Variants in TMEM70 observed in about 807,000 individuals in gnomAD.
The protein encoded by TMEM70 is transmembrane protein 70.
Under a neutral mutation model 20.5 loss-of-function variants are expected in TMEM70, and 15 were observed. That is an observed-to-expected ratio of 0.73 (90% confidence interval 0.49 to 1.13). The LOEUF (loss-of-function observed/expected upper bound fraction) is 1.13, where lower values mean the gene tolerates loss of function less well. TMEM70 is among the 50% of genes most tolerant of loss of function. TMEM70 has a pLI of 0.00. For synonymous variants in TMEM70, 141 were observed against 134.2 expected (o/e 1.05, Z -0.35); for missense variants, 344 against 331.7 (o/e 1.04, Z -0.29).
chr8:73,978,678 G>T lies in TMEM70; in HGVS notation c.211-78G>T, dbSNP rs931197701. On this transcript the variant is annotated intron_variant, in intron 1 of 2. Coordinates refer to ENST00000312184, the MANE Select transcript of TMEM70 (RefSeq NM_017866.6). Reference sequence around the variant, plus strand: ...ACTGCCCTCCAGTCTGGGAGACAGAGCAAGACTCTGTCTCAAAAAAAAAAA... The same window carrying T: ...ACTGCCCTCCAGTCTGGGAGACAGATCAAGACTCTGTCTCAAAAAAAAAAA... 4.1e-5 allele frequency: 61 copies of T among 1,471,430 alleles called. No homozygotes were observed. The African/African-American group carries it at 7.7e-4, about 19-fold the overall frequency. 91.1% of individuals were successfully genotyped at this position (1,471,430 alleles called of 1,614,324 possible). A position where few individuals can be genotyped will look rare whatever the true frequency, so the allele number is the denominator to read the frequency against.
Position 73,976,433 on chromosome 8 carries a change from G to T in TMEM70, c.152G>T (p.Gly51Val), listed in dbSNP as rs1251393091. 2 of 1,572,136 alleles carry T rather than the reference G, an allele frequency of 1.3e-6. No homozygotes were observed. Among genetic ancestry groups the T allele is most frequent in the Non-Finnish European group, 1.7e-6 (2 of 1,166,612 alleles). ...AGCGGGCCTTCGGGGCCGGTAGCCG[G>T]CTGGAGTACGGGGCCTTCGGGAGCC... ...SSSGPSGPVA[G>V]WSTGPSGAAR... The change falls in exon 1 of 3, where the codon GGC (glycine) becomes GTC (valine). Residue 51 changes from glycine (G) to valine (V), a missense_variant. By Grantham distance (109) the Gly-to-Val change is moderately radical. Coordinates refer to ENST00000312184, the MANE Select transcript of TMEM70 (RefSeq NM_017866.6).
rs1368297393 is a variant in TMEM70 at position 73,982,442 on chromosome 8, G to A, written c.*821G>A. The A allele has an allele frequency of 2.5e-6, 2 of 788,236 alleles. No homozygotes were observed. The highest frequency in any genetic ancestry group is 4.3e-6 in the Non-Finnish European group (2 of 463,558). The allele number at this position is 788,236 out of a possible 1,614,324, so 48.8% of individuals were successfully genotyped here. On this transcript the variant is annotated 3_prime_UTR_variant, in exon 3 of 3. Transcript: ENST00000312184. ...TACTTCCATCAGTATTGAGCCAGGA[G>A]TTGAGATGGAAGTCACCATTGCAAA...
In TMEM70 at chr8:73,976,548, G is replaced by A; in HGVS notation, c.210+57G>A. The A allele has an allele frequency of 4.2e-6, 6 of 1,427,470 alleles. No homozygotes were observed. The South Asian group carries it at 7.2e-5, about 17-fold the overall frequency. 88.4% of individuals were successfully genotyped at this position (1,427,470 alleles called of 1,614,324 possible). ...AGGCGGGGAGGGCGGGCGTCGTGTC[G>A]GGCCTGGGGAGCCCCAGCGGCTCTT... On this transcript the variant is annotated intron_variant, in intron 1 of 2. Coordinates refer to ENST00000312184, the MANE Select transcript of TMEM70 (RefSeq NM_017866.6).
At position 73,981,602 on chromosome 8, in the gene TMEM70, G is replaced by T; in HGVS notation, c.764G>T (p.Arg255Leu). ...LYMEETSEEK[R>L]HKDDK Reference sequence around the variant, plus strand: ...ATGGAAGAAACCAGTGAAGAGAAACGGCATAAAGATGACAAATGAGCCTAT... The same window carrying T: ...ATGGAAGAAACCAGTGAAGAGAAACTGCATAAAGATGACAAATGAGCCTAT... Residue 255 changes from arginine (R) to leucine (L), a missense_variant, in exon 3 of 3, where the codon CGG becomes CTG. Physicochemically the swap from Arg to Leu is moderately radical, Grantham distance 102. Transcript: ENST00000312184. The T allele has an allele frequency of 6.2e-7, 1 of 1,608,210 alleles. No homozygotes were observed. The highest frequency in any genetic ancestry group is 1.1e-5 in the South Asian group (1 of 90,958).
At position 73,981,604 on chromosome 8, in the gene TMEM70, C is replaced by A; in HGVS notation, c.766C>A (p.His256Asn). 6.2e-7 allele frequency: 1 copy of A among 1,607,292 alleles called. No homozygotes were observed. The highest frequency in any genetic ancestry group is 8.5e-7 in the Non-Finnish European group (1 of 1,176,272). Reference protein sequence around the residue: ...YMEETSEEKRHKDDK With the variant: ...YMEETSEEKRNKDDK The stretch of plus-strand genomic sequence containing the variant: ...GGAAGAAACCAGTGAAGAGAAACGG[C>A]ATAAAGATGACAAATGAGCCTATTT... The change falls in exon 3 of 3, where the codon CAT (histidine) becomes AAT (asparagine). Residue 256 changes from histidine to asparagine, a missense_variant. Coordinates refer to ENST00000312184, the MANE Select transcript of TMEM70 (RefSeq NM_017866.6).
chr8:73,980,373 TG>T (rs1436373295), intron 2 of TMEM70, among the ~76,000 whole-genome samples: 18 of 151,034 alleles, frequency 1.2e-4, no homozygotes, highest in Admixed American at 1.3e-4. Context: ...CATATGTTTC[TG>T]TTTTTTTTTT....
At chr8:73,978,932 TCTTA>T (rs1815721563) in intron 2 of TMEM70, 71 bp downstream of exon 2, 1 of 1,559,330 alleles carries the variant, frequency 6.4e-7, no homozygotes, top group East Asian at 2.3e-5. Flanking sequence ...CCTTACCATA[TCTTA>T]CTTGTTGTTA....
intron 1 of TMEM70, 108 bp from the exon 2 acceptor site, chr8:73,978,648 G>A (rs573681696): frequency 1.7e-5 from 19 of 1,129,780 alleles, no homozygotes; most frequent in African/African-American, 6.3e-5. Context: ...AGCTGAGATC[G>A]CACCACTGCC....
In TMEM70 at chr8:73,982,176, CA is replaced by C. The variant is rs766924044; in HGVS notation, c.*556del. The C allele has an allele frequency of 5.5e-6, 3 of 543,818 alleles. No individual in the cohort carries two copies. The African/African-American group carries it at 5.7e-5, about 10-fold the overall frequency. The allele number at this position is 543,818 out of a possible 1,614,324, so 33.7% of individuals were successfully genotyped here. ...ACCCGTGGAGTCAGAGGTGGCAATT[CA>C]CCGAATTCATATCACTCTAACGAGT... On this transcript the variant is annotated 3_prime_UTR_variant, in exon 3 of 3. Transcript: ENST00000312184.
rs776400512 is a variant in TMEM70, at chr8:73,976,330, T to C, written c.49T>C (p.Cys17Arg). 6.2e-7 allele frequency: 1 copy of C among 1,600,806 alleles called. No individual in the cohort carries two copies. The highest frequency in any genetic ancestry group is 1.7e-5 in the Admixed American group (1 of 59,984). ...GSPWAVELPL[C>R]GRRTALCAAA... ...CCCGTGGGCGGTCGAACTGCCTCTC[T>C]GCGGAAGGAGGACTGCATTGTGTGC... The change falls in exon 1 of 3, where the codon TGC (cysteine) becomes CGC (arginine). Residue 17 changes from cysteine to arginine, a missense_variant. Cys to Arg is a radical substitution (Grantham distance 180). Transcript: ENST00000312184.
intron 1 of TMEM70, among the ~76,000 whole-genome samples, chr8:73,978,230 C>T (rs1586634953): frequency 6.6e-6 from 1 of 151,744 alleles, no homozygotes; most frequent in Non-Finnish European, 1.5e-5. Context: ...GGATTACAGG[C>T]GCCAGACACC....
At position 73,981,838 on chromosome 8, in the gene TMEM70, A is replaced by C. The variant is rs140080854; in HGVS notation, c.*217A>C. On this transcript the variant is annotated 3_prime_UTR_variant, in exon 3 of 3. Transcript: ENST00000312184. Reference sequence around the variant, plus strand: ...ATTCGTGTTTTAGAAAGGTATGTGAATAAATATGTTCATGCTAGTATAAGA... The same window carrying C: ...ATTCGTGTTTTAGAAAGGTATGTGACTAAATATGTTCATGCTAGTATAAGA... 3.4e-4 allele frequency: 221 copies of C among 649,656 alleles called. 1 individual carries two copies. In the East Asian group the frequency reaches 6.6e-3, roughly 19 times the overall value. The allele number at this position is 649,656 out of a possible 1,614,324, so 40.2% of individuals were successfully genotyped here. A position where few individuals can be genotyped will look rare whatever the true frequency, so the allele number is the denominator to read the frequency against.
rs1815717046 is a variant in TMEM70, at chr8:73,978,818, T to C, written c.273T>C (p.Asp91=). The C allele has an allele frequency of 6.2e-7, 1 of 1,614,162 alleles. No individual in the cohort carries two copies. Among genetic ancestry groups the C allele is most frequent in the East Asian group, 2.2e-5 (1 of 44,876 alleles). ...ATACGCCATCTGACAAATCAGAAGATGGAAGGCTAATTTATACTGGCAATA... is the reference window on the plus strand; with the variant it reads ...ATACGCCATCTGACAAATCAGAAGACGGAAGGCTAATTTATACTGGCAATA... ...FLNTPSDKSE[D]GRLIYTGNMA... Residue 91 remains aspartate, a synonymous_variant, in exon 2 of 3, where the codon GAT becomes GAC. Transcript: ENST00000312184.
chr8:73,981,413 G>T lies in TMEM70; in HGVS notation c.575G>T (p.Ser192Ile). Residue 192 changes from serine (S) to isoleucine (I), a missense_variant, in exon 3 of 3, where the codon AGT becomes ATT. Transcript: ENST00000312184. Reference sequence around the variant, plus strand: ...TACAATGCTATGCTTGCAGAAACGAGTACAGTGTTTCACCAGAATGATGTG... The same window carrying T: ...TACAATGCTATGCTTGCAGAAACGATTACAGTGTTTCACCAGAATGATGTG... ...ITYNAMLAET[S>I]TVFHQNDVKI... The T allele has an allele frequency of 6.2e-7, 1 of 1,614,188 alleles. No homozygotes were observed. The highest frequency in any genetic ancestry group is 1.1e-5 in the South Asian group (1 of 91,088).
chr8:73,976,525 G>T, intron 1 of TMEM70, 34 bp downstream of exon 1: 1 of 1,477,020 alleles, frequency 6.8e-7, no homozygotes. Context: ...CCCAAGTGAG[G>T]CGGGGAGGGC....
intron 1 of TMEM70, 127 bp downstream of exon 1, chr8:73,976,618 C>A: frequency 1.0e-6 from 1 of 986,404 alleles, no homozygotes; most frequent in Non-Finnish European, 1.4e-6. Flanking sequence ...GGGAGGAGCC[C>A]CCTCTGCGGG....
At position 73,976,439 on chromosome 8, in the gene TMEM70, G is replaced by A; in HGVS notation, c.158G>A (p.Ser53Asn). ...CCTTCGGGGCCGGTAGCCGGCTGGA[G>A]TACGGGGCCTTCGGGAGCCGCGCGC... ...SGPSGPVAGW[S>N]TGPSGAARLL... The change falls in exon 1 of 3, where the codon AGT (serine) becomes AAT (asparagine). Residue 53 changes from serine to asparagine, a missense_variant. By Grantham distance (46) the Ser-to-Asn change is conservative (BLOSUM62 1). Coordinates refer to ENST00000312184, the MANE Select transcript of TMEM70 (RefSeq NM_017866.6). The A allele has an allele frequency of 6.4e-7, 1 of 1,568,444 alleles. No individual in the cohort carries two copies. Among genetic ancestry groups the A allele is most frequent in the Non-Finnish European group, 8.6e-7 (1 of 1,164,292 alleles).
At position 73,981,624 on chromosome 8, in the gene TMEM70, C is replaced by G. The variant is rs527980085; in HGVS notation, c.*3C>G. 6.3e-7 allele frequency: 1 copy of G among 1,589,662 alleles called. No homozygotes were observed. The highest frequency in any genetic ancestry group is 2.2e-5 in the East Asian group (1 of 44,756). ...AACGGCATAAAGATGACAAATGAGCCTATTTGTTAGTGTTCGTGCTCAAAT... is the reference window on the plus strand; with the variant it reads ...AACGGCATAAAGATGACAAATGAGCGTATTTGTTAGTGTTCGTGCTCAAAT... On this transcript the variant is annotated 3_prime_UTR_variant, in exon 3 of 3. Coordinates refer to ENST00000312184, the MANE Select transcript of TMEM70 (RefSeq NM_017866.6).
chr8:73,981,408 A>C lies in TMEM70; in HGVS notation c.570A>C (p.Glu190Asp). The change falls in exon 3 of 3, where the codon GAA becomes GAC. Residue 190 changes from glutamate (E) to aspartate (D), a missense_variant. Transcript: ENST00000312184. ...TTACCTACAATGCTATGCTTGCAGA[A>C]ACGAGTACAGTGTTTCACCAGAATG... ...KAITYNAMLA[E>D]TSTVFHQNDV... The C allele has an allele frequency of 6.2e-7, 1 of 1,614,220 alleles. No individual in the cohort carries two copies. Among genetic ancestry groups the C allele is most frequent in the Non-Finnish European group, 8.5e-7 (1 of 1,180,036 alleles).
Sources: allele counts gnomAD v4.1 joint callset (sites outside exome capture counted in the v4.1 genomes callset), GRCh38; gene constraint gnomAD v4.1.1; transcripts MANE v1.5; gene names NCBI Gene and HGNC (gene_info 2026-07-23, HGNC 2026-07-21).